Variants in RAD52 observed in about 807,000 individuals in gnomAD.
RAD52 encodes the protein RAD52 DNA repair protein, also known as DNA repair protein RAD52 homolog.
In RAD52, 47 loss-of-function variants were observed where a neutral mutation model predicts 55.5. The ratio of observed to expected loss-of-function variants is 0.85; its 90% confidence interval spans 0.67 to 1.08. The LOEUF is 1.08. Among genes scored for constraint, RAD52 ranks in the 50% least tolerant of loss-of-function variants. The pLI is 0.00. For synonymous variants in RAD52, 184 were observed against 198.9 expected (o/e 0.92, Z 0.63); for missense variants, 468 against 522.8 (o/e 0.90, Z 1.02).
chr12:975,971 A>C (rs1402205582), intron 1 of RAD52: 1 of 152,234 alleles, frequency 6.6e-6, no homozygotes, highest in Admixed American at 6.5e-5. Flanking sequence ...ATCCACATTC[A>C]TACCTCTGGC....
chr12:989,195 C>T (rs1307550146), intron 1 of RAD52, among the ~76,000 whole-genome samples: 1 of 152,156 alleles, frequency 6.6e-6, no homozygotes, highest in Non-Finnish European at 1.5e-5. Context: ...CTGCTTCTCA[C>T]TCTTGCTCTG....
At position 913,977 on chromosome 12, in the gene RAD52, G is replaced by A. The variant is rs773807721; in HGVS notation, c.1112C>T (p.Pro371Leu). ...TGGTTTCTGGTGGCAAACGCTGTGT[G>A]GAGTCCTGTTCTGGGTCACCATCTG... ...NNQMVTQNRT[P>L]HSVCHQKPQA... The change falls in exon 11 of 12, where the codon CCA becomes CTA. Residue 371 changes from proline (P) to leucine (L), a missense_variant. Pro to Leu is a moderately conservative substitution (Grantham distance 98, BLOSUM62 -3). Coordinates refer to ENST00000358495, the MANE Select transcript of RAD52 (RefSeq NM_134424.4). 1.9e-6 allele frequency: 3 copies of A among 1,614,170 alleles called. No homozygotes were observed. Among genetic ancestry groups the A allele is most frequent in the Non-Finnish European group, 2.5e-6 (3 of 1,180,026 alleles).
intron 7 of RAD52, among the ~76,000 whole-genome samples, chr12:918,615 G>A (rs1274425061): frequency 6.6e-6 from 1 of 151,994 alleles, no homozygotes; most frequent in Non-Finnish European, 1.5e-5. Flanking sequence ...CCACTATGTT[G>A]TCCTGGCTGG....
intron 1 of RAD52, among the ~76,000 whole-genome samples, chr12:959,220 A>G (rs1428923277): frequency 6.6e-6 from 1 of 152,172 alleles, no homozygotes; most frequent in Non-Finnish European, 1.5e-5. Flanking sequence ...CAGTTAGAAA[A>G]CTGCATTTTA....
In RAD52 at chr12:956,837, G is replaced by A. The variant is rs1042247994; in HGVS notation, c.-18-23761C>T. Among the ~76,000 whole-genome samples, 8 of 152,266 alleles carry A rather than the reference G, an allele frequency of 5.3e-5. No individual in the cohort carries two copies. In the East Asian group the frequency reaches 7.7e-4, roughly 15 times the overall value. The stretch of plus-strand genomic sequence containing the variant: ...GCTGGGATTACAGGCGTGAGCCACC[G>A]CGCCTGGCCCCATTTCCATATTCTT... On this transcript the variant is annotated intron_variant, in intron 1 of 11. Transcript: ENST00000430095.
chr12:986,784 GT>G (rs1959091491), intron 1 of RAD52, among the ~76,000 whole-genome samples: 1 of 135,126 alleles, frequency 7.4e-6, no homozygotes, highest in Admixed American at 7.6e-5. Context: ...TGATTATTCT[GT>G]TTAATTCTCT....
Position 914,109 on chromosome 12 carries a change from TCTTCAAGAGTCTCTACAGAGGTCAAGG to T in RAD52, c.968-15_979del. The T allele has an allele frequency of 6.2e-7, 1 of 1,613,938 alleles. No homozygotes were observed. Among genetic ancestry groups the T allele is most frequent in the Non-Finnish European group, 8.5e-7 (1 of 1,179,810 alleles). On this transcript the variant is annotated splice_acceptor_variant and splice_polypyrimidine_tract_variant and coding_sequence_variant and intron_variant, in exon 11 of 12. Transcript: ENST00000358495. LOFTEE classifies it high-confidence loss of function. The stretch of plus-strand genomic sequence containing the variant: ...AGTCACAGCCCACTTTTCAGAGTTG[TCTTCAAGAGTCTCTACAGAGGTCAAGG>T]AAAAGTGCGTCATCAGCAAATAATG...
intron 1 of RAD52, chr12:976,321 A>G (rs1288586101): frequency 1.3e-5 from 2 of 152,076 alleles, no homozygotes; most frequent in Admixed American, 1.3e-4. Context: ...CTCCTTCTCA[A>G]AAAAAAAGCC....
At chr12:916,238 C>T in intron 9 of RAD52, 106 bp downstream of exon 9, 1 of 1,521,670 alleles carries the variant, frequency 6.6e-7, no homozygotes, top group Non-Finnish European at 8.7e-7. Flanking sequence ...CCCAGCGAGG[C>T]CTGGTTTGGA....
At chr12:967,714 CCCT>C (rs1309449882) in intron 1 of RAD52, among the ~76,000 whole-genome samples, 3 of 152,050 alleles carry the variant, frequency 2.0e-5, no homozygotes, top group Admixed American at 6.6e-5. Flanking sequence ...CAACGATCCT[CCCT>C]CCTCAACCTC....
rs188163226 is a variant in RAD52, at chr12:970,034, C to T, written c.-19+19775G>A. ...TCTGGTGATATAATTTAGGGCTGGG[C>T]GCGGTGACTCATGCCTATAATCCCA... On this transcript the variant is annotated intron_variant, in intron 1 of 11. Coordinates refer to the RAD52 transcript ENST00000430095. Among the ~76,000 whole-genome samples, 55 of 149,762 alleles carry T rather than the reference C, an allele frequency of 3.7e-4. No homozygotes were observed. In the East Asian group the frequency reaches 4.1e-3, roughly 11 times the overall value.
chr12:984,550 A>G lies in RAD52; in HGVS notation c.-19+5259T>C, dbSNP rs529596303. Among the ~76,000 whole-genome samples, 14 of 152,066 alleles carry G rather than the reference A, an allele frequency of 9.2e-5. No homozygotes were observed. The South Asian group carries it at 2.5e-3, about 27-fold the overall frequency. On this transcript the variant is annotated intron_variant, in intron 1 of 11. Coordinates refer to the RAD52 transcript ENST00000430095. ...AGGTACCTCATATGAATGTAATCAT[A>G]TAAGATCTATACTTTTATGATTGGC...
upstream of RAD52, among the ~76,000 whole-genome samples, chr12:951,672 A>T (rs368768193): frequency 1.1e-3 from 169 of 152,264 alleles, 5 homozygotes; most frequent in South Asian, 0.033. Flanking sequence ...ATTAATTACT[A>T]CAATTGTTTT....
At chr12:986,661 A>C (rs943120871) in intron 1 of RAD52, among the ~76,000 whole-genome samples, 3 of 152,048 alleles carry the variant, frequency 2.0e-5, no homozygotes, top group African/African-American at 7.2e-5. Flanking sequence ...TACTGAGCCT[A>C]AACTGTTTTA....
chr12:969,617 T>C (rs973698695), intron 1 of RAD52, among the ~76,000 whole-genome samples: 1 of 151,132 alleles, frequency 6.6e-6, no homozygotes, highest in Non-Finnish European at 1.5e-5. Context: ...GGAGCCCCTG[T>C]CTCTACAAAA....
chr12:978,387 G>A (rs575617920), intron 1 of RAD52, among the ~76,000 whole-genome samples: 2 of 152,270 alleles, frequency 1.3e-5, no homozygotes, highest in African/African-American at 4.8e-5. Context: ...AATTAAGGAT[G>A]TGCAGTCAGA....
At chr12:941,617 C>G (rs1285048475) in intron 1 of RAD52, among the ~76,000 whole-genome samples, 1 of 150,728 alleles carries the variant, frequency 6.6e-6, no homozygotes, top group Non-Finnish European at 1.5e-5. Context: ...CACACCTGGC[C>G]CAAAATTTTT....
At chr12:981,272 C>G (rs1350494859) in intron 1 of RAD52, among the ~76,000 whole-genome samples, 7 of 151,578 alleles carry the variant, frequency 4.6e-5, no homozygotes, top group African/African-American at 1.7e-4. Context: ...GGCGGAGGTT[C>G]TAGTGAGCCA....
chr12:927,327 T>G, intron 5 of RAD52, 64 bp from the exon 6 acceptor site: 2 of 1,175,792 alleles, frequency 1.7e-6, no homozygotes, highest in Non-Finnish European at 2.5e-6. Context: ...AACTCCCCTG[T>G]TCCTCAAGCA....
Sources: allele counts gnomAD v4.1 joint callset (sites outside exome capture counted in the v4.1 genomes callset), GRCh38; gene constraint gnomAD v4.1.1; transcripts MANE v1.5; gene names NCBI Gene and HGNC (gene_info 2026-07-23, HGNC 2026-07-21).